Variants in ARGLU1 observed in about 807,000 individuals in gnomAD.
The protein encoded by ARGLU1 is arginine and glutamate rich 1.
Under a neutral mutation model 37.6 loss-of-function variants are expected in ARGLU1, and 9 were observed. The ratio of observed to expected loss-of-function variants is 0.24; its 90% confidence interval spans 0.14 to 0.42. ARGLU1 has a LOEUF of 0.42. Ranked by LOEUF, ARGLU1 falls within the 10% of genes least tolerant of loss-of-function variation. The pLI, the probability that ARGLU1 is intolerant of heterozygous loss-of-function variation, is 1.00. For synonymous variants in ARGLU1, 166 were observed against 138.5 expected (o/e 1.20, Z -1.39); for missense variants, 211 against 359.2 (o/e 0.59, Z 3.34).
At chr13:106,563,431 T>G (rs1444339604) in intron 1 of ARGLU1, among the ~76,000 whole-genome samples, 2 of 152,116 alleles carry the variant, frequency 1.3e-5, no homozygotes, top group Non-Finnish European at 2.9e-5. Context: ...AGCACTATAC[T>G]ACCACCCTAC....
intron 1 of ARGLU1, among the ~76,000 whole-genome samples, chr13:106,566,502 G>T (rs369214740): frequency 1.3e-5 from 2 of 152,292 alleles, no homozygotes; most frequent in African/African-American, 4.8e-5. Flanking sequence ...TGGTTCAATA[G>T]GGAGTTAGTA....
intron 2 of ARGLU1, 166 bp downstream of exon 2, chr13:106,559,266 C>T (rs766048101): frequency 2.0e-6 from 3 of 1,534,732 alleles, no homozygotes; most frequent in Admixed American, 3.9e-5. Flanking sequence ...TCAGTCAGCA[C>T]TTCTGAATAG....
chr13:106,545,510 C>T (rs1366818425), intron 3 of ARGLU1, among the ~76,000 whole-genome samples: 3 of 152,136 alleles, frequency 2.0e-5, no homozygotes, highest in Admixed American at 2.0e-4. Context: ...GTTCTCTCTT[C>T]TGATACATTC....
intron 1 of ARGLU1, among the ~76,000 whole-genome samples, chr13:106,566,790 G>T (rs1296190767): frequency 6.6e-6 from 1 of 152,152 alleles, no homozygotes; most frequent in Non-Finnish European, 1.5e-5. Context: ...TTCTGAAGAA[G>T]CACAGTGTAA....
rs550624344 is a variant in ARGLU1 at position 106,567,948 on chromosome 13, C to G, written c.-29G>C. ...TCCGGGAGACGCTCTAACCGCTCGC[C>G]TCAGGCCCCTCACGCGGCCAGTTCC... is the stretch of plus-strand genomic sequence containing the variant. On this transcript the variant is annotated 5_prime_UTR_variant, in exon 1 of 4. Transcript: ENST00000400198. This position sits in a 1 kb window ranked among gnomAD's most constrained non-coding sequence, Gnocchi z 4.3. The G allele has an allele frequency of 6.4e-7, 1 of 1,569,276 alleles. No homozygotes were observed. Among genetic ancestry groups the G allele is most frequent in the African/African-American group, 1.4e-5 (1 of 72,202 alleles).
intron 1 of ARGLU1, among the ~76,000 whole-genome samples, chr13:106,561,586 C>A (rs1280919110): frequency 6.6e-6 from 1 of 151,840 alleles, no homozygotes; most frequent in Non-Finnish European, 1.5e-5. Flanking sequence ...GATCATAGTA[C>A]CGACTATTAA....
At chr13:106,553,834 G>C (rs948871723) in intron 3 of ARGLU1, among the ~76,000 whole-genome samples, 4 of 151,998 alleles carry the variant, frequency 2.6e-5, no homozygotes, top group African/African-American at 9.7e-5. Context: ...CACTTCCAAG[G>C]TACTTTCATT....
rs1267611383 is a variant in ARGLU1, at chr13:106,541,800, A to C, written c.*2196T>G. The C allele has an allele frequency of 6.6e-6, 1 of 152,208 alleles. No homozygotes were observed. The highest frequency in any genetic ancestry group is 1.5e-5 in the Non-Finnish European group (1 of 68,028). The allele number at this position is 152,208 out of a possible 1,614,324, so 9.4% of individuals were successfully genotyped here. On this transcript the variant is annotated 3_prime_UTR_variant, in exon 4 of 4. Coordinates refer to ENST00000400198, the MANE Select transcript of ARGLU1 (RefSeq NM_018011.4). ...AATGCATTAAGAATAACCTAAAAAAACAAATTGTGAATAAAGGCATATTTA... is the reference window on the plus strand; with the variant it reads ...AATGCATTAAGAATAACCTAAAAAACCAAATTGTGAATAAAGGCATATTTA...
Position 106,545,898 on chromosome 13 carries a change from A to G in ARGLU1, c.658-1738T>C, listed in dbSNP as rs528507000. Among the ~76,000 whole-genome samples the G allele has an allele frequency of 1.4e-4, 22 of 152,318 alleles. No individual in the cohort carries two copies. The South Asian group carries it at 4.4e-3, about 30-fold the overall frequency. ...TACAGCTCTCTAAAACCTTTTTCCT[A>G]TGCTACATTTAGACCTGGCTACTGG... On this transcript the variant is annotated intron_variant, in intron 3 of 3. Transcript: ENST00000400198.
At chr13:106,552,674 A>C (rs1333054973) in intron 3 of ARGLU1, among the ~76,000 whole-genome samples, 1 of 152,196 alleles carries the variant, frequency 6.6e-6, no homozygotes, top group Non-Finnish European at 1.5e-5. Flanking sequence ...CACCATGAAG[A>C]CTTCAAAAAA....
rs112856732 is a variant in ARGLU1, at chr13:106,561,382, T to C, written c.348-1725A>G. 3.4e-3 allele frequency among the ~76,000 whole-genome samples: 508 copies of C among 151,402 alleles called. 3 individuals are homozygous for C. Among genetic ancestry groups the C allele is most frequent in the African/African-American group, 0.012 (483 of 41,188 alleles). Reference sequence around the variant, plus strand: ...AATGAGTACCCAAGAATAATAATAATAATCTGCCTTTGTGAATATGTAAAT... The same window carrying C: ...AATGAGTACCCAAGAATAATAATAACAATCTGCCTTTGTGAATATGTAAAT... On this transcript the variant is annotated intron_variant, in intron 1 of 3. Transcript: ENST00000400198.
At position 106,568,134 on chromosome 13, in the gene ARGLU1, C is replaced by T. The variant is rs1881033692; in HGVS notation, c.-215G>A. 2 of 686,100 alleles carry T rather than the reference C, an allele frequency of 2.9e-6. No homozygotes were observed. Among genetic ancestry groups the T allele is most frequent in the Admixed American group, 3.9e-5 (1 of 25,674 alleles). 42.5% of individuals were successfully genotyped at this position (686,100 alleles called of 1,614,324 possible). A position where few individuals can be genotyped will look rare whatever the true frequency, so the allele number is the denominator to read the frequency against. ...GCGCCAGGCGCCCCTAAGATGGCAG[C>T]TGCGGCTGCACCGGCCGCCCTTCCC... On this transcript the variant is annotated 5_prime_UTR_variant, in exon 1 of 4. Transcript: ENST00000400198.
At chr13:106,554,495 A>G (rs566618358) in intron 3 of ARGLU1, among the ~76,000 whole-genome samples, 44 of 152,204 alleles carry the variant, frequency 2.9e-4, no homozygotes, top group Non-Finnish European at 5.4e-4. Context: ...GTGGGCCTCA[A>G]CGTGTACCGT....
intron 3 of ARGLU1, among the ~76,000 whole-genome samples, chr13:106,551,488 T>C (rs887720062): frequency 6.6e-6 from 1 of 152,182 alleles, no homozygotes; most frequent in Non-Finnish European, 1.5e-5. Flanking sequence ...TTGCCAACAG[T>C]CTTTAAAGGC....
chr13:106,558,198 C>T (rs1880705098), intron 2 of ARGLU1: 2 of 984,984 alleles, frequency 2.0e-6, no homozygotes, highest in African/African-American at 1.7e-5. Context: ...TAACTCGCTA[C>T]AAGACAGCAC....
At chr13:106,559,970 T>G (rs1880751670) in intron 1 of ARGLU1, among the ~76,000 whole-genome samples, 1 of 152,218 alleles carries the variant, frequency 6.6e-6, no homozygotes, top group African/African-American at 2.4e-5. Context: ...ATTCTGTTAT[T>G]GACTTTATAA....
At chr13:106,565,793 T>A (rs1880946228) in intron 1 of ARGLU1, among the ~76,000 whole-genome samples, 1 of 152,214 alleles carries the variant, frequency 6.6e-6, no homozygotes, top group Non-Finnish European at 1.5e-5. Context: ...TCCTAAATAC[T>A]ATTGGCAGTT....
At position 106,567,485 on chromosome 13, in the gene ARGLU1, C is replaced by T; in HGVS notation, c.347+88G>A. 1.0e-6 allele frequency: 1 copy of T among 953,390 alleles called. No homozygotes were observed. Among genetic ancestry groups the T allele is most frequent in the Non-Finnish European group, 1.6e-6 (1 of 642,158 alleles). 59.1% of individuals were successfully genotyped at this position (953,390 alleles called of 1,614,324 possible). On this transcript the variant is annotated intron_variant, in intron 1 of 3. Transcript: ENST00000400198. The surrounding 1 kb of genome is among the most constrained non-coding windows in gnomAD (Gnocchi z 4.3). The stretch of plus-strand genomic sequence containing the variant: ...CCCCGGACCGTCCCCGCCATTCTCC[C>T]GGCCCGCACCGTCCCGCCCCGGCCC...
In ARGLU1 at chr13:106,557,731, G is replaced by A; in HGVS notation, c.574-600C>T. On this transcript the variant is annotated intron_variant, in intron 2 of 3. Transcript: ENST00000400198. This position sits in a 1 kb window ranked among gnomAD's most constrained non-coding sequence, Gnocchi z 5.0. The stretch of plus-strand genomic sequence containing the variant: ...TGAGGAATGCAGATGTTTATGGTAA[G>A]AAGGAACAAAAAATGTAATTCATCA... 2 of 1,360,016 alleles carry A rather than the reference G, an allele frequency of 1.5e-6. No individual in the cohort carries two copies. The highest frequency in any genetic ancestry group is 3.8e-5 in the South Asian group (2 of 52,706). 84.2% of individuals were successfully genotyped at this position (1,360,016 alleles called of 1,614,324 possible).
Sources: allele counts gnomAD v4.1 joint callset (sites outside exome capture counted in the v4.1 genomes callset), GRCh38; gene constraint gnomAD v4.1.1; non-coding constraint Gnocchi (gnomAD v3.1); transcripts MANE v1.5; gene names NCBI Gene and HGNC (gene_info 2026-07-23, HGNC 2026-07-21).